Variants in STXBP6 observed in about 807,000 individuals in gnomAD.
STXBP6 encodes the protein syntaxin-binding protein 6.
STXBP6 carries 21 observed loss-of-function variants against 26.9 expected under a neutral mutation model. The ratio of observed to expected loss-of-function variants is 0.78; its 90% CI spans 0.55 to 1.12. The LOEUF is 1.12. STXBP6 is among the 50% of genes most tolerant of loss of function. The pLI is 0.00. For missense variants in STXBP6, 232 were observed against 257.9 expected (o/e 0.90, Z 0.69); for synonymous variants, 97 against 92.6 (o/e 1.05, Z -0.27).
At chr14:24,995,193 C>T (rs1237510793) in intron 1 of STXBP6, among the ~76,000 whole-genome samples, 1 of 152,180 alleles carries the variant, frequency 6.6e-6, no homozygotes, top group Non-Finnish European at 1.5e-5. Flanking sequence ...GCTGTGTACT[C>T]ACATGGTAGA....
chr14:24,871,103 C>T (rs531113746), intron 2 of STXBP6, among the ~76,000 whole-genome samples: 1 of 151,540 alleles, frequency 6.6e-6, no homozygotes, highest in Non-Finnish European at 1.5e-5. Context: ...TATTTTGCAT[C>T]CCATTATGTT....
At chr14:24,990,871 G>C (rs952863609) in intron 1 of STXBP6, among the ~76,000 whole-genome samples, 1 of 151,620 alleles carries the variant, frequency 6.6e-6, no homozygotes, top group Non-Finnish European at 1.5e-5. Flanking sequence ...AGGAGGGAGA[G>C]AGAGGAAGAG....
At chr14:24,818,074 T>C in intron 5 of STXBP6, 1 of 456,740 alleles carries the variant, frequency 2.2e-6, no homozygotes, top group Non-Finnish European at 4.4e-6. Flanking sequence ...GTGGTGTTTC[T>C]GTTAAAGCCA....
At chr14:24,942,663 T>C (rs908113705) in intron 2 of STXBP6, among the ~76,000 whole-genome samples, 4 of 152,230 alleles carry the variant, frequency 2.6e-5, no homozygotes, top group African/African-American at 9.6e-5. Context: ...ACAACTGCCT[T>C]TGATCTGAGG....
At chr14:24,927,146 G>A (rs751201579) in intron 2 of STXBP6, among the ~76,000 whole-genome samples, 1 of 152,174 alleles carries the variant, frequency 6.6e-6, no homozygotes, top group Non-Finnish European at 1.5e-5. Flanking sequence ...GTATTGCATG[G>A]AGAATTAGGC....
intron 2 of STXBP6, among the ~76,000 whole-genome samples, chr14:24,929,622 C>T (rs2072308702): frequency 1.3e-5 from 2 of 152,174 alleles, no homozygotes; most frequent in African/African-American, 2.4e-5. Context: ...CAGCACTAAA[C>T]GAATACATAG....
At chr14:24,949,162 A>C (rs2073086290) in intron 2 of STXBP6, among the ~76,000 whole-genome samples, 1 of 152,192 alleles carries the variant, frequency 6.6e-6, no homozygotes, top group African/African-American at 2.4e-5. Flanking sequence ...TTACAGACAA[A>C]TGCTGTTTAT....
intron 1 of STXBP6, among the ~76,000 whole-genome samples, chr14:24,995,142 T>C (rs1047637926): frequency 6.6e-6 from 1 of 152,198 alleles, no homozygotes; most frequent in African/African-American, 2.4e-5. Flanking sequence ...ATTTGCTGTC[T>C]GACAAAGACC....
At chr14:24,836,467 G>A (rs371783900) in intron 4 of STXBP6, among the ~76,000 whole-genome samples, 2 of 151,796 alleles carry the variant, frequency 1.3e-5, no homozygotes, top group Admixed American at 6.6e-5. Context: ...GTGTGGTGGC[G>A]GGTGCCTGTA....
intron 1 of STXBP6, among the ~76,000 whole-genome samples, chr14:25,012,215 A>T (rs569233529): frequency 5.9e-5 from 9 of 152,378 alleles, no homozygotes; most frequent in Non-Finnish European, 1.0e-4. Context: ...CATGAAACAT[A>T]AAAGATGAGC....
chr14:24,911,277 C>T (rs1358356563), intron 2 of STXBP6, among the ~76,000 whole-genome samples: 1 of 151,752 alleles, frequency 6.6e-6, no homozygotes, highest in African/African-American at 2.4e-5. Context: ...GTCAAGGCTG[C>T]AGCAAGCCAT....
chr14:25,016,055 G>A (rs551178256), intron 1 of STXBP6, among the ~76,000 whole-genome samples: 10 of 152,218 alleles, frequency 6.6e-5, no homozygotes, highest in African/African-American at 1.7e-4. Context: ...AGTTATGAGT[G>A]GAAGTGTCAG....
In STXBP6 at chr14:24,863,178, G is replaced by A. The variant is rs952527126; in HGVS notation, c.155-6021C>T. 2.2e-4 allele frequency among the ~76,000 whole-genome samples: 34 copies of A among 152,088 alleles called. 1 individual carries two copies. Reference sequence around the variant, plus strand: ...AAATCAGGAACCTTAACCCCTGGAAGGCTTGAGTTCCCCACTGCCCTCCCC... The same window carrying A: ...AAATCAGGAACCTTAACCCCTGGAAAGCTTGAGTTCCCCACTGCCCTCCCC... On this transcript the variant is annotated intron_variant, in intron 2 of 5. Coordinates refer to ENST00000323944, the MANE Select transcript of STXBP6 (RefSeq NM_001394410.1).
chr14:24,866,930 T>C (rs365365), intron 2 of STXBP6, among the ~76,000 whole-genome samples: 6 of 152,024 alleles, frequency 3.9e-5, no homozygotes, highest in African/African-American at 1.4e-4. Flanking sequence ...ATATGGAAGT[T>C]CAAAAGGCTA....
chr14:24,884,518 C>CA (rs2070494989), intron 2 of STXBP6, among the ~76,000 whole-genome samples: 1 of 152,116 alleles, frequency 6.6e-6, no homozygotes, highest in South Asian at 2.1e-4. Flanking sequence ...AATAAACAAA[C>CA]AAACAAACAA....
At chr14:24,854,849 G>A (rs981346485) in intron 4 of STXBP6, among the ~76,000 whole-genome samples, 1 of 151,860 alleles carries the variant, frequency 6.6e-6, no homozygotes, top group Non-Finnish European at 1.5e-5. Flanking sequence ...TGTACCATAG[G>A]ATGTGACCCC....
chr14:25,036,418 T>C (rs1306411294), intron 1 of STXBP6, among the ~76,000 whole-genome samples: 1 of 152,126 alleles, frequency 6.6e-6, no homozygotes, highest in African/African-American at 2.4e-5. Flanking sequence ...AATGCCCCAC[T>C]GTCTATCTGA....
intron 4 of STXBP6, among the ~76,000 whole-genome samples, chr14:24,843,053 C>A (rs973669585): frequency 6.6e-6 from 1 of 152,230 alleles, no homozygotes. Context: ...GGGGAAAGAA[C>A]AGATTCTGGA....
chr14:24,902,771 G>A (rs1168880621), intron 2 of STXBP6, among the ~76,000 whole-genome samples: 2 of 152,144 alleles, frequency 1.3e-5, no homozygotes, highest in Non-Finnish European at 2.9e-5. Context: ...CTCCTAAAGT[G>A]AAGGGGGTTG....
Sources: allele counts gnomAD v4.1 joint callset (sites outside exome capture counted in the v4.1 genomes callset), GRCh38; gene constraint gnomAD v4.1.1; transcripts MANE v1.5; gene names NCBI Gene and HGNC (gene_info 2026-07-23, HGNC 2026-07-21).